The following CDH13 variants were observed in gnomAD, a reference collection of about 807,000 sequenced individuals.
CDH13 encodes the protein cadherin-13.
CDH13 carries 24 observed loss-of-function variants against 63.8 expected under a neutral mutation model. The observed-to-expected ratio is 0.38, with a 90% CI of 0.27 to 0.53. The LOEUF (loss-of-function observed/expected upper bound fraction) is 0.53, where lower values mean the gene tolerates loss of function less well. Ranked by LOEUF, CDH13 falls within the 20% of genes least tolerant of loss-of-function variation. The pLI is 0.85. For missense variants in CDH13, 1,049 were observed against 903.1 expected (o/e 1.16, Z -2.07); for synonymous variants, 503 against 355.3 (o/e 1.42, Z -4.67).
At chr16:83,010,737 A>G (rs1914065829) in intron 2 of CDH13, among the ~76,000 whole-genome samples, 1 of 152,192 alleles carries the variant, frequency 6.6e-6, no homozygotes, top group East Asian at 1.9e-4. Context: ...TTTCTAAAAA[A>G]GGAATCAGTG....
intron 2 of CDH13, among the ~76,000 whole-genome samples, chr16:82,885,580 C>T (rs959456432): frequency 3.3e-5 from 5 of 152,092 alleles, no homozygotes; most frequent in African/African-American, 1.2e-4. Context: ...GCCTTGCATC[C>T]TACCTTCTAT....
intron 1 of CDH13, among the ~76,000 whole-genome samples, chr16:82,838,757 G>T (rs78186874): frequency 6.6e-6 from 1 of 152,184 alleles, no homozygotes; most frequent in Non-Finnish European, 1.5e-5. Flanking sequence ...CTCTCATTCT[G>T]TGATTGATGT....
intron 3 of CDH13, among the ~76,000 whole-genome samples, chr16:83,059,180 A>T (rs1021683307): frequency 2.6e-5 from 4 of 152,158 alleles, no homozygotes; most frequent in African/African-American, 9.7e-5. Flanking sequence ...CATTTCTTCA[A>T]TTCTCCCAGA....
intron 2 of CDH13, among the ~76,000 whole-genome samples, chr16:82,986,535 G>A (rs1187489237): frequency 5.9e-5 from 9 of 152,132 alleles, no homozygotes; most frequent in South Asian, 4.1e-4. Context: ...GTACACACCC[G>A]AGTGTTATCT....
chr16:83,505,753 G>A (rs551373769), intron 7 of CDH13, among the ~76,000 whole-genome samples: 106 of 152,112 alleles, frequency 7.0e-4, no homozygotes, highest in African/African-American at 2.0e-3. Flanking sequence ...ATGTTGGTTA[G>A]GCTGGTCTTG....
chr16:83,032,242 T>C (rs1041213234), intron 3 of CDH13, 24 bp downstream of exon 3: 3 of 1,598,222 alleles, frequency 1.9e-6, no homozygotes, highest in Middle Eastern at 1.7e-4. Context: ...TTGAGATAAC[T>C]TGGGTTCAAG....
At chr16:83,417,858 A>C (rs905321856) in intron 6 of CDH13, among the ~76,000 whole-genome samples, 4 of 152,162 alleles carry the variant, frequency 2.6e-5, no homozygotes, top group Non-Finnish European at 4.4e-5. Flanking sequence ...TGAAAATTCT[A>C]TTTCACAGCA....
intron 6 of CDH13, among the ~76,000 whole-genome samples, chr16:83,353,257 CCTAA>C (rs984925305): frequency 1.6e-4 from 25 of 152,366 alleles, no homozygotes; most frequent in African/African-American, 5.8e-4. Flanking sequence ...CCAAGTTGCT[CCTAA>C]CTATGTCTGA....
chr16:83,160,088 GA>G (rs778095471), intron 4 of CDH13, among the ~76,000 whole-genome samples: 66 of 149,368 alleles, frequency 4.4e-4, no homozygotes, highest in Admixed American at 9.4e-4. Context: ...AAAATAAAGA[GA>G]AAAAAAAAAT....
intron 2 of CDH13, among the ~76,000 whole-genome samples, chr16:82,885,191 A>G (rs567420765): frequency 6.6e-6 from 1 of 152,342 alleles, no homozygotes; most frequent in East Asian, 1.9e-4. Flanking sequence ...CACTACTCTT[A>G]TGGCTTTGCA....
intron 1 of CDH13, among the ~76,000 whole-genome samples, chr16:82,627,452 A>G (rs759207733): frequency 6.6e-6 from 1 of 151,968 alleles, no homozygotes; most frequent in East Asian, 1.9e-4. Flanking sequence ...TCTCGCCCAC[A>G]TCAAGTGGGG....
intron 2 of CDH13, among the ~76,000 whole-genome samples, chr16:83,027,112 C>A (rs11639659): frequency 3.5e-5 from 5 of 144,384 alleles, no homozygotes; most frequent in South Asian, 2.4e-4. Flanking sequence ...ACCCCCCCCC[C>A]CCACCGCCCC....
At position 83,427,204 on chromosome 16, in the gene CDH13, G is replaced by A. The variant is rs570799629; in HGVS notation, c.782-59273G>A. Among the ~76,000 whole-genome samples, 17 of 152,104 alleles carry A rather than the reference G, an allele frequency of 1.1e-4. No individual in the cohort carries two copies. The South Asian group carries it at 2.1e-3, about 19-fold the overall frequency. On this transcript the variant is annotated intron_variant, in intron 6 of 13. Transcript: ENST00000567109. ...GCTGGGATTACAGGTGTGAGCCACC[G>A]CGCCCGGCCTAAATATGTTTCTTAC...
chr16:83,148,308 C>T (rs1372801915), intron 4 of CDH13, among the ~76,000 whole-genome samples: 1 of 147,468 alleles, frequency 6.8e-6, no homozygotes, highest in African/African-American at 2.7e-5. Flanking sequence ...TGGGTGGTAC[C>T]ATGTAGACAA....
At chr16:82,760,695 G>A (rs576534867) in intron 1 of CDH13, among the ~76,000 whole-genome samples, 9 of 152,254 alleles carry the variant, frequency 5.9e-5, no homozygotes, top group African/African-American at 2.2e-4. Context: ...TTACAGAAAC[G>A]AGGTTTATTT....
intron 2 of CDH13, among the ~76,000 whole-genome samples, chr16:82,870,177 C>G (rs1311147065): frequency 6.6e-6 from 1 of 151,988 alleles, no homozygotes; most frequent in African/African-American, 2.4e-5. Context: ...TGACGTTTCT[C>G]AAAGGAAGAC....
chr16:82,922,663 T>C (rs2042191926), intron 2 of CDH13, among the ~76,000 whole-genome samples: 1 of 152,218 alleles, frequency 6.6e-6, no homozygotes, highest in Non-Finnish European at 1.5e-5. Flanking sequence ...AAGAATTTTA[T>C]GACCCATGCC....
intron 1 of CDH13, among the ~76,000 whole-genome samples, chr16:82,784,031 T>C (rs1035535692): frequency 6.6e-6 from 1 of 152,200 alleles, no homozygotes; most frequent in East Asian, 1.9e-4. Context: ...TGGGCAATTA[T>C]CCTTTTTCAC....
At chr16:83,582,406 G>A (rs573345186) in intron 7 of CDH13, among the ~76,000 whole-genome samples, 2 of 152,138 alleles carry the variant, frequency 1.3e-5, no homozygotes, top group East Asian at 3.9e-4. Flanking sequence ...GTTTTGAGGG[G>A]TCTTTTGTTT....
Sources: allele counts gnomAD v4.1 joint callset (sites outside exome capture counted in the v4.1 genomes callset), GRCh38; gene constraint gnomAD v4.1.1; transcripts MANE v1.5; gene names NCBI Gene and HGNC (gene_info 2026-07-23, HGNC 2026-07-21).